Variants in OVCH1 observed in about 807,000 individuals in gnomAD.
The protein encoded by OVCH1 is ovochymase-1.
Under a neutral mutation model 138.4 loss-of-function variants are expected in OVCH1, and 139 were observed. That is an observed-to-expected ratio of 1.00 (90% CI 0.87 to 1.16). OVCH1 has a LOEUF of 1.16. Among genes scored for constraint, OVCH1 ranks in the 50% most tolerant of loss-of-function variants. The probability of loss-of-function intolerance (pLI) is 0.00; values close to 1 mark genes in which losing one functional copy is unlikely to be tolerated. For missense variants in OVCH1, 1,367 were observed against 1,357.9 expected (o/e 1.01, Z -0.11); for synonymous variants, 453 against 467.8 (o/e 0.97, Z 0.41).
At chr12:29,495,495 C>T (rs1014118714) in intron 3 of OVCH1, 38 bp from the exon 4 acceptor site, 1 of 1,568,934 alleles carries the variant, frequency 6.4e-7, no homozygotes, top group Non-Finnish European at 8.7e-7. Context: ...GTAGTTGTTT[C>T]CCCTACGCAA....
At chr12:29,412,837 T>TCAG (rs1940977655) in intron 3 of OVCH1, 1 of 152,222 alleles carries the variant, frequency 6.6e-6, no homozygotes, top group African/African-American at 2.4e-5. Flanking sequence ...AATAGCTACT[T>TCAG]TGACTTAACA....
rs1339679748 is a variant in OVCH1, at chr12:29,473,220, A to G, written c.1601-117T>C. 3 of 660,464 alleles carry G rather than the reference A, an allele frequency of 4.5e-6. No individual in the cohort carries two copies. The East Asian group carries it at 8.3e-5, about 18-fold the overall frequency. The allele number at this position is 660,464 out of a possible 1,614,324, so 40.9% of individuals were successfully genotyped here. On this transcript the variant is annotated intron_variant, in intron 14 of 27. Coordinates refer to ENST00000318184, the Ensembl canonical transcript of OVCH1. ...TACTGTAGATCTCACTAACACTACC[A>G]TTCATACACTAGATGCCAGATCCCA...
intron 4 of OVCH1, among the ~76,000 whole-genome samples, chr12:29,492,382 A>G (rs1015131627): frequency 4.6e-5 from 7 of 152,134 alleles, no homozygotes; most frequent in Non-Finnish European, 1.0e-4. Flanking sequence ...AAAAGAGGGT[A>G]TGTCAGATAA....
At chr12:29,493,590 G>T (rs1360149079) in intron 4 of OVCH1, among the ~76,000 whole-genome samples, 2 of 152,036 alleles carry the variant, frequency 1.3e-5, no homozygotes, top group Non-Finnish European at 2.9e-5. Context: ...ATTTCAGATT[G>T]TCTAGTTCCA....
chr12:29,442,633 A>T (rs1039466619), intron 25 of OVCH1, among the ~76,000 whole-genome samples: 5 of 130,468 alleles, frequency 3.8e-5, no homozygotes, highest in East Asian at 1.9e-4. Flanking sequence ...ATAATAAAAT[A>T]AAAAAAAATA....
At chr12:29,481,516 T>C (rs1186745911) in intron 8 of OVCH1, among the ~76,000 whole-genome samples, 2 of 152,206 alleles carry the variant, frequency 1.3e-5, no homozygotes, top group East Asian at 3.8e-4. Context: ...TAAAATCTCA[T>C]GTGATAACTA....
At chr12:29,434,954 G>A (rs1165418973) in intron 26 of OVCH1, among the ~76,000 whole-genome samples, 1 of 152,152 alleles carries the variant, frequency 6.6e-6, no homozygotes, top group East Asian at 1.9e-4. Context: ...AATAACTTAG[G>A]TACATCTTTT....
chr12:29,414,425 C>CTGA (rs1235577950), intron 3 of OVCH1, among the ~76,000 whole-genome samples: 2 of 152,162 alleles, frequency 1.3e-5, no homozygotes, highest in Non-Finnish European at 2.9e-5. Context: ...TTAAATCCCA[C>CTGA]TGATGAACAT....
chr12:29,444,111 ACTT>A, intron 24 of OVCH1, 31 bp downstream of exon 24: 1 of 1,557,726 alleles, frequency 6.4e-7, no homozygotes, highest in Non-Finnish European at 8.7e-7. Flanking sequence ...TTTTCCACAC[ACTT>A]CTTCCATTAT....
exon 12 of OVCH1, chr12:29,477,142 C>T (rs777499286): frequency 1.7e-5 from 28 of 1,612,990 alleles, no homozygotes; most frequent in Non-Finnish European, 1.9e-5. Flanking sequence ...GAACCAATGA[C>T]ACCTTGTGTT....
intron 25 of OVCH1, among the ~76,000 whole-genome samples, chr12:29,440,333 A>T (rs1941452661): frequency 1.3e-5 from 2 of 152,206 alleles, no homozygotes; most frequent in South Asian, 4.1e-4. Context: ...ACAGTTGATT[A>T]ACATTATAAG....
rs554216883 is a variant in OVCH1 at position 29,449,063 on chromosome 12, T to A, written c.2755+2282A>T. ...GTTTCTCTGTACATGAAATTAAAAA[T>A]GAGGGCTGGCATGTTTTCACCAAAT... On this transcript the variant is annotated intron_variant, in intron 22 of 27. Coordinates refer to ENST00000318184, the Ensembl canonical transcript of OVCH1. 2.6e-5 allele frequency among the ~76,000 whole-genome samples: 4 copies of A among 152,240 alleles called. No homozygotes were observed. The East Asian group carries it at 7.7e-4, about 29-fold the overall frequency.
In OVCH1 at chr12:29,489,748, G is replaced by A. The variant is rs369338039; in HGVS notation, c.574C>T (p.Gln192Ter). The change falls in exon 6 of 28, where the codon CAA becomes TAA. Residue 192 changes from glutamine (Q) to a stop codon, truncating the protein, a stop_gained. Transcript: ENST00000318184. LOFTEE classifies it high-confidence loss of function. ...TCCATGATGGGAAGTTCCATTTCTT[G>A]TAGGACATTTGAATATTCTGATGCT... The A allele has an allele frequency of 1.6e-5, 25 of 1,610,698 alleles. No homozygotes were observed. The highest frequency in any genetic ancestry group is 2.0e-5 in the Non-Finnish European group (23 of 1,178,546).
intron 3 of OVCH1, among the ~76,000 whole-genome samples, chr12:29,413,771 A>G (rs1940994614): frequency 6.6e-6 from 1 of 152,098 alleles, no homozygotes; most frequent in South Asian, 2.1e-4. Context: ...GCTATCCTGG[A>G]TCATTTATTT....
At chr12:29,497,322 ATTTGTC>A (rs1943446169) in intron 1 of OVCH1, among the ~76,000 whole-genome samples, 1 of 151,532 alleles carries the variant, frequency 6.6e-6, no homozygotes, top group Non-Finnish European at 1.5e-5. Context: ...GAAGGGAGAT[ATTTGTC>A]TTTAAGTTAC....
At chr12:29,479,824 CTTTTTTT>C (rs34551074) in intron 8 of OVCH1, among the ~76,000 whole-genome samples, 2 of 128,384 alleles carry the variant, frequency 1.6e-5, no homozygotes, top group Non-Finnish European at 3.3e-5. Context: ...TCTTTTTTTT[CTTTTTTT>C]TTTTTTTTTT....
downstream of OVCH1, among the ~76,000 whole-genome samples, chr12:29,411,557 C>A: frequency 6.6e-6 from 1 of 152,072 alleles, no homozygotes; most frequent in Non-Finnish European, 1.5e-5. Context: ...TTGGAGCTTG[C>A]TAGAGGTCCA....
At chr12:29,441,940 C>T (rs377622019) in intron 25 of OVCH1, among the ~76,000 whole-genome samples, 90 of 151,980 alleles carry the variant, frequency 5.9e-4, no homozygotes, top group East Asian at 2.9e-3. Flanking sequence ...TCACACCAGT[C>T]AGAATGGCGA....
intron 16 of OVCH1, 136 bp from the exon 17 acceptor site, chr12:29,465,355 G>A: frequency 1.4e-6 from 1 of 723,804 alleles, no homozygotes; most frequent in Non-Finnish European, 2.2e-6. Flanking sequence ...ATGAAGAAGA[G>A]GTTTAATTGA....
Sources: allele counts gnomAD v4.1 joint callset (sites outside exome capture counted in the v4.1 genomes callset), GRCh38; gene constraint gnomAD v4.1.1; transcripts MANE v1.5; gene names NCBI Gene and HGNC (gene_info 2026-07-23, HGNC 2026-07-21).